Variants in KLHL22 observed in about 807,000 individuals in gnomAD.
KLHL22 encodes the protein kelch like family member 22.
KLHL22 carries 18 observed loss-of-function variants against 60.7 expected under a neutral mutation model. The observed-to-expected ratio is 0.30, with a 90% confidence interval of 0.20 to 0.44. The LOEUF (loss-of-function observed/expected upper bound fraction) is 0.44, where lower values mean the gene tolerates loss of function less well. Ranked by LOEUF, KLHL22 falls within the 20% of genes least tolerant of loss-of-function variation. The probability of loss-of-function intolerance (pLI) is 1.00; values close to 1 mark genes in which losing one functional copy is unlikely to be tolerated. For synonymous variants in KLHL22, 355 were observed against 354.5 expected (o/e 1.00, Z -0.01); for missense variants, 596 against 852.3 (o/e 0.70, Z 3.74).
At chr22:20,449,972 C>T (rs977023171) in intron 5 of KLHL22, 4 of 546,640 alleles carry the variant, frequency 7.3e-6, no homozygotes, top group South Asian at 2.0e-5. Context: ...GCGGCGGCGG[C>T]GACGCTTCGG....
At position 20,464,902 on chromosome 22, in the gene KLHL22, C is replaced by G. The variant is rs2053207202; in HGVS notation, c.1068G>C (p.Gly356=). ...CTCGAAATCCTTGGACATTGTTGTC[C>G]CCTCCAATCAAGTATACGAAGTTGT... is the stretch of plus-strand genomic sequence containing the variant. ...VLNNFVYLIG[G]DNNVQGFRAE... Residue 356 remains glycine, a synonymous_variant, in exon 4 of 7, where the codon GGG becomes GGC. Transcript: ENST00000328879. 2 of 1,559,584 alleles carry G rather than the reference C, an allele frequency of 1.3e-6. No homozygotes were observed. Among genetic ancestry groups the G allele is most frequent in the South Asian group, 2.5e-5 (2 of 81,320 alleles).
intron 3 of KLHL22, among the ~76,000 whole-genome samples, chr22:20,468,935 C>G (rs2053273356): frequency 6.6e-6 from 1 of 152,154 alleles, no homozygotes; most frequent in African/African-American, 2.4e-5. Flanking sequence ...GGATTACAGG[C>G]ATGAACCTCC....
chr22:20,442,299 G>A lies in KLHL22; in HGVS notation c.1679C>T (p.Thr560Ile). 1 of 1,614,018 alleles carries A rather than the reference G, an allele frequency of 6.2e-7. No homozygotes were observed. ...GGRSHNRGSR[T>I]GYVHIYDVEK... ...CACATCGTAAATGTGCACGTAGCCT[G>A]TGCGGCTGCCGCGGTTGTGTGAGCG... is the stretch of plus-strand genomic sequence containing the variant. The change falls in exon 7 of 7, where the codon ACA becomes ATA. Residue 560 changes from threonine (T) to isoleucine (I), a missense_variant. Thr to Ile is a moderately conservative substitution (Grantham distance 89, BLOSUM62 -1). Transcript: ENST00000328879.
intron 2 of KLHL22, chr22:20,483,217 G>A (rs1271842658): frequency 1.0e-5 from 7 of 668,332 alleles, no homozygotes; most frequent in Non-Finnish European, 1.4e-5. Flanking sequence ...TCTCAACTCC[G>A]TGATTGTCAT....
chr22:20,448,286 G>C (rs2052911699), intron 5 of KLHL22, among the ~76,000 whole-genome samples: 1 of 152,170 alleles, frequency 6.6e-6, no homozygotes, highest in East Asian at 1.9e-4. Flanking sequence ...CAAAGGAAAT[G>C]CATTTCAGAC....
intron 2 of KLHL22, among the ~76,000 whole-genome samples, chr22:20,478,988 G>A (rs2053456988): frequency 6.6e-6 from 1 of 151,736 alleles, no homozygotes; most frequent in Non-Finnish European, 1.5e-5. Flanking sequence ...AATTAGCTGG[G>A]TGTGGTGGCA....
intron 6 of KLHL22, among the ~76,000 whole-genome samples, chr22:20,442,843 G>A (rs1216117830): frequency 1.3e-5 from 2 of 152,256 alleles, no homozygotes; most frequent in Admixed American, 1.3e-4. Flanking sequence ...CTGCCTGAGA[G>A]ACATGGACTC....
chr22:20,469,038 C>CT (rs1283076168), intron 3 of KLHL22, among the ~76,000 whole-genome samples: 5 of 151,978 alleles, frequency 3.3e-5, no homozygotes, highest in African/African-American at 4.8e-5. Context: ...TGACCCAGGG[C>CT]TGTCGGGAGC....
At chr22:20,492,063 C>CCA (rs2053700582) in intron 1 of KLHL22, 1 of 152,242 alleles carries the variant, frequency 6.6e-6, no homozygotes, top group African/African-American at 2.4e-5. Context: ...CTCTTTCATC[C>CCA]CACACACCCT....
At chr22:20,466,232 G>T (rs1601352774) in intron 3 of KLHL22, among the ~76,000 whole-genome samples, 1 of 152,038 alleles carries the variant, frequency 6.6e-6, no homozygotes, top group East Asian at 1.9e-4. Context: ...AAATTAGCTG[G>T]GCGTGGTGGC....
intron 5 of KLHL22, among the ~76,000 whole-genome samples, chr22:20,448,169 A>G (rs961343471): frequency 6.6e-6 from 1 of 152,072 alleles, no homozygotes. Flanking sequence ...TCAGTATACA[A>G]CCTTTTGACA....
In KLHL22 at chr22:20,495,202, G is replaced by C. The variant is rs966546797; in HGVS notation, c.-34+558C>G. The stretch of plus-strand genomic sequence containing the variant: ...GCTCGGCCCGCACCGGATCTAAAAT[G>C]GTCAGAACTGGCAGCCGACGCTTCG... On this transcript the variant is annotated intron_variant, in intron 1 of 6. Transcript: ENST00000328879. This position sits in a 1 kb window ranked among gnomAD's most constrained non-coding sequence, Gnocchi z 4.6. Among the ~76,000 whole-genome samples, 8 of 152,224 alleles carry C rather than the reference G, an allele frequency of 5.3e-5. No individual in the cohort carries two copies. The highest frequency in any genetic ancestry group is 1.9e-4 in the African/African-American group (8 of 41,456).
At chr22:20,459,073 C>T (rs983745881) in intron 4 of KLHL22, among the ~76,000 whole-genome samples, 34 of 152,178 alleles carry the variant, frequency 2.2e-4, no homozygotes, top group African/African-American at 7.7e-4. Flanking sequence ...ATCACAGAGC[C>T]ATGAGGGGCC....
At chr22:20,444,399 G>A (rs1327374161) in intron 6 of KLHL22, among the ~76,000 whole-genome samples, 1 of 152,172 alleles carries the variant, frequency 6.6e-6, no homozygotes, top group Non-Finnish European at 1.5e-5. Flanking sequence ...CTATGTTTGT[G>A]GTGATAGGTT....
intron 2 of KLHL22, chr22:20,483,637 G>T (rs2053540503): frequency 1.4e-6 from 1 of 726,152 alleles, no homozygotes; most frequent in East Asian, 2.6e-5. Flanking sequence ...AGCAAGACGG[G>T]CATTGTCGAT....
At position 20,495,284 on chromosome 22, in the gene KLHL22, A is replaced by C. The variant is rs2053750961; in HGVS notation, c.-34+476T>G. Among the ~76,000 whole-genome samples the C allele has an allele frequency of 6.6e-6, 1 of 152,198 alleles. No homozygotes were observed. The highest frequency in any genetic ancestry group is 6.5e-5 in the Admixed American group (1 of 15,288). ...CTCCGGCTCCTCTCAGGAAACCGGG[A>C]GAGCTGGCAAGGCTGGGCTCCTACG... is the stretch of plus-strand genomic sequence containing the variant. On this transcript the variant is annotated intron_variant, in intron 1 of 6. Coordinates refer to ENST00000328879, the MANE Select transcript of KLHL22 (RefSeq NM_032775.4). The surrounding 1 kb of genome is among the most constrained non-coding windows in gnomAD (Gnocchi z 4.6).
chr22:20,453,005 T>G (rs532631638), intron 5 of KLHL22, among the ~76,000 whole-genome samples: 1 of 152,342 alleles, frequency 6.6e-6, no homozygotes, highest in East Asian at 1.9e-4. Flanking sequence ...AAAATCCTTT[T>G]GTTAGTTTCA....
chr22:20,451,516 G>A (rs999537407), intron 5 of KLHL22: 3 of 1,598,438 alleles, frequency 1.9e-6, no homozygotes, highest in African/African-American at 2.7e-5. Flanking sequence ...TTCTGGTGCA[G>A]GAGTAGCCCT....
intron 6 of KLHL22, among the ~76,000 whole-genome samples, chr22:20,443,047 A>C (rs1455812006): frequency 6.6e-6 from 1 of 152,252 alleles, no homozygotes; most frequent in Non-Finnish European, 1.5e-5. Flanking sequence ...CGCAAAATCA[A>C]AACATCAGAG....
Sources: allele counts gnomAD v4.1 joint callset (sites outside exome capture counted in the v4.1 genomes callset), GRCh38; gene constraint gnomAD v4.1.1; non-coding constraint Gnocchi (gnomAD v3.1); transcripts MANE v1.5; gene names NCBI Gene and HGNC (gene_info 2026-07-23, HGNC 2026-07-21).